The following FAM184B variants were observed in gnomAD, a reference collection of about 807,000 sequenced individuals.
The protein encoded by FAM184B is protein FAM184B.
A neutral mutation model predicts 135.9 loss-of-function variants in FAM184B; 111 were observed. The ratio of observed to expected loss-of-function variants is 0.82; its 90% CI spans 0.70 to 0.96. FAM184B has a LOEUF of 0.96. Ranked by LOEUF, FAM184B falls within the 40% of genes least tolerant of loss-of-function variation. The probability of loss-of-function intolerance (pLI) is 0.00; values close to 1 mark genes in which losing one functional copy is unlikely to be tolerated. For missense variants in FAM184B, 1,375 were observed against 1,323.9 expected, an observed-to-expected ratio of 1.04 and a Z score of -0.60; for synonymous variants, 552 against 524.8, an observed-to-expected ratio of 1.05 and a Z score of -0.71.
At chr4:17,738,022 A>C (rs1017376090) in intron 1 of FAM184B, among the ~76,000 whole-genome samples, 2 of 152,182 alleles carry the variant, frequency 1.3e-5, no homozygotes, top group Admixed American at 1.3e-4. Flanking sequence ...CCCAGAGAGC[A>C]TAATATTCCA....
At chr4:17,705,669 G>C in intron 4 of FAM184B, 83 bp downstream of exon 4, 1 of 1,476,908 alleles carries the variant, frequency 6.8e-7, no homozygotes, top group Non-Finnish European at 9.1e-7. Flanking sequence ...ACTATGCTTG[G>C]GGACTGGCCT....
intron 1 of FAM184B, among the ~76,000 whole-genome samples, chr4:17,759,491 CT>C (rs1718494956): frequency 6.6e-6 from 1 of 151,548 alleles, no homozygotes; most frequent in Non-Finnish European, 1.5e-5. Flanking sequence ...TCAGGTATGT[CT>C]TTTTTTCTTT....
intron 5 of FAM184B, among the ~76,000 whole-genome samples, chr4:17,698,445 C>T (rs535983426): frequency 2.3e-4 from 35 of 152,148 alleles, no homozygotes; most frequent in African/African-American, 8.4e-4. Context: ...CCGAAAATTA[C>T]CATGTAGAGA....
chr4:17,664,913 C>T (rs1387343987), intron 7 of FAM184B, among the ~76,000 whole-genome samples: 9 of 152,192 alleles, frequency 5.9e-5, no homozygotes, highest in Non-Finnish European at 1.3e-4. Flanking sequence ...AAGCATTTCA[C>T]ACTGCTGACA....
chr4:17,638,417 TCCTGGGCTCAAGCAGTCCAC>T (rs1276497963), intron 14 of FAM184B, among the ~76,000 whole-genome samples: 105 of 151,986 alleles, frequency 6.9e-4, no homozygotes, highest in African/African-American at 2.3e-3. Context: ...GGTCTCGAAC[TCCTGGGCTCAAGCAGTCCAC>T]CCTGGGCTCA....
chr4:17,759,063 T>C (rs566460683), intron 1 of FAM184B, among the ~76,000 whole-genome samples: 17 of 152,352 alleles, frequency 1.1e-4, no homozygotes, highest in Admixed American at 4.6e-4. Context: ...GATCCTGTCC[T>C]TTGAGATTCT....
chr4:17,754,996 G>A (rs1400465903), intron 1 of FAM184B, among the ~76,000 whole-genome samples: 4 of 152,012 alleles, frequency 2.6e-5, no homozygotes, highest in African/African-American at 9.7e-5. Context: ...TGGTAGCAAG[G>A]ACTACAGGTG....
At chr4:17,650,307 T>C (rs1037350223) in intron 11 of FAM184B, among the ~76,000 whole-genome samples, 1 of 152,074 alleles carries the variant, frequency 6.6e-6, no homozygotes, top group Non-Finnish European at 1.5e-5. Flanking sequence ...CACACAGATA[T>C]AAGAAGAAGA....
At chr4:17,727,977 A>T (rs537832616) in intron 1 of FAM184B, among the ~76,000 whole-genome samples, 15 of 150,218 alleles carry the variant, frequency 1.0e-4, no homozygotes, top group East Asian at 5.8e-4. Flanking sequence ...GTTCTTATTT[A>T]AAAAAAAAAT....
chr4:17,761,740 C>T (rs569983047), intron 1 of FAM184B, among the ~76,000 whole-genome samples: 29 of 152,252 alleles, frequency 1.9e-4, no homozygotes, highest in South Asian at 1.4e-3. Context: ...AGGCTGGTCT[C>T]GAACTCCTGA....
chr4:17,634,947 CT>C, intron 16 of FAM184B, 61 bp downstream of exon 16: 1 of 1,241,590 alleles, frequency 8.1e-7, no homozygotes, highest in Non-Finnish European at 1.1e-6. Flanking sequence ...CTGTGGTTAC[CT>C]TTAAGAAAAA....
In FAM184B at chr4:17,652,250, G is replaced by A. The variant is rs377128734; in HGVS notation, c.2191+580C>T. On this transcript the variant is annotated intron_variant, in intron 11 of 17. Transcript: ENST00000265018. The stretch of plus-strand genomic sequence containing the variant: ...CGCCATTCTCCTGCCTCAGCCTCCC[G>A]AATAGCTGGGACTACAGACACCTGC... 6.4e-3 allele frequency among the ~76,000 whole-genome samples: 935 copies of A among 145,846 alleles called. 13 individuals carry two copies. The highest frequency in any genetic ancestry group is 0.022 in the African/African-American group (878 of 39,284).
At chr4:17,643,610 C>T (rs28693609) in intron 12 of FAM184B, among the ~76,000 whole-genome samples, 77,758 of 152,138 alleles carry the variant, frequency 0.51, 22,963 homozygotes, top group East Asian at 0.88. Context: ...CTTAATGGAA[C>T]ACGTTCTGTC....
At chr4:17,636,742 A>G in intron 14 of FAM184B, 97 bp from the exon 15 acceptor site, 5 of 1,065,636 alleles carry the variant, frequency 4.7e-6, no homozygotes, top group Non-Finnish European at 6.6e-6. Context: ...TCCTGTGTTC[A>G]GCCCGGCCAG....
Position 17,682,050 on chromosome 4 carries a change from T to C in FAM184B, c.1596+6374A>G, listed in dbSNP as rs1577258551. Among the ~76,000 whole-genome samples, 4 of 152,286 alleles carry C rather than the reference T, an allele frequency of 2.6e-5. No individual in the cohort carries two copies. In the East Asian group the frequency reaches 7.7e-4, roughly 29 times the overall value. ...TCTCCTGGACATGCAGCCCTATGGC[T>C]TGTATAGTGATGGTACTCAGACATA... On this transcript the variant is annotated intron_variant, in intron 7 of 17. Transcript: ENST00000265018.
intron 1 of FAM184B, among the ~76,000 whole-genome samples, chr4:17,757,118 A>G (rs1022578890): frequency 8.5e-5 from 13 of 152,188 alleles, no homozygotes; most frequent in African/African-American, 3.1e-4. Flanking sequence ...CCTGAATCGA[A>G]TCAATCTTCT....
intron 1 of FAM184B, among the ~76,000 whole-genome samples, chr4:17,760,228 G>A (rs756038033): frequency 6.6e-6 from 1 of 152,156 alleles, no homozygotes; most frequent in Non-Finnish European, 1.5e-5. Flanking sequence ...CACTTTGGGA[G>A]GCCGAGGTGG....
chr4:17,692,935 T>C (rs1294172666), intron 6 of FAM184B, among the ~76,000 whole-genome samples: 1 of 152,066 alleles, frequency 6.6e-6, no homozygotes, highest in African/African-American at 2.4e-5. Flanking sequence ...AAATTTTTAA[T>C]ATTTTTTAAT....
rs1361310227 is a variant in FAM184B, at chr4:17,629,432, A to C, written c.*3100T>G. ...GCCTCAATCACAAATGTTGGGTTGG[A>C]TATTACATCAGTGTTAGAGCAGTTA... On this transcript the variant is annotated 3_prime_UTR_variant, in exon 18 of 18. Transcript: ENST00000265018. The C allele has an allele frequency of 6.6e-6, 1 of 152,200 alleles. No individual in the cohort carries two copies. The highest frequency in any genetic ancestry group is 1.5e-5 in the Non-Finnish European group (1 of 68,042). 9.4% of individuals were successfully genotyped at this position (152,200 alleles called of 1,614,324 possible).
Sources: allele counts gnomAD v4.1 joint callset (sites outside exome capture counted in the v4.1 genomes callset), GRCh38; gene constraint gnomAD v4.1.1; transcripts MANE v1.5; gene names NCBI Gene and HGNC (gene_info 2026-07-23, HGNC 2026-07-21).